The following ADAMTS3 variants were observed in gnomAD, a reference collection of about 807,000 sequenced individuals.
The protein encoded by ADAMTS3 is ADAM metallopeptidase with thrombospondin type 1 motif 3, also known as A disintegrin and metalloproteinase with thrombospondin motifs 3.
A neutral mutation model predicts 129.0 loss-of-function variants in ADAMTS3; 73 were observed. That is an observed-to-expected ratio of 0.57 (90% CI 0.47 to 0.69). The LOEUF is 0.69. Among genes scored for constraint, ADAMTS3 ranks in the 30% least tolerant of loss-of-function variants. ADAMTS3 has a pLI of 0.00. For synonymous variants in ADAMTS3, 477 were observed against 510.8 expected (o/e 0.93, Z 0.89); for missense variants, 1,457 against 1,514.5 (o/e 0.96, Z 0.63).
At chr4:72,528,443 T>C (rs77846110) in intron 3 of ADAMTS3, among the ~76,000 whole-genome samples, 4,906 of 151,434 alleles carry the variant, frequency 0.032, 108 homozygotes, top group Non-Finnish European at 0.048. Flanking sequence ...TATCATTCTA[T>C]GGTGTATACA....
chr4:72,519,427 G>C (rs1242028607), intron 3 of ADAMTS3, among the ~76,000 whole-genome samples: 1 of 152,226 alleles, frequency 6.6e-6, no homozygotes, highest in East Asian at 1.9e-4. Context: ...ATATCCTGCA[G>C]AGTGTTTTCC....
At chr4:72,526,570 ATGTGTGTGTGTGTGTGTG>A (rs56774889) in intron 3 of ADAMTS3, among the ~76,000 whole-genome samples, 2 of 132,086 alleles carry the variant, frequency 1.5e-5, no homozygotes, top group Non-Finnish European at 3.2e-5. Context: ...AATGAAATTT[ATGTGTGTGTGTGTGTGTG>A]TGTGTGTGTG....
At chr4:72,521,582 T>A (rs987318023) in intron 3 of ADAMTS3, among the ~76,000 whole-genome samples, 38 of 152,286 alleles carry the variant, frequency 2.5e-4, no homozygotes, top group African/African-American at 8.9e-4. Flanking sequence ...ATTTTCATTG[T>A]GAAAGCTAGA....
At chr4:72,552,009 G>T (rs567345587) in intron 2 of ADAMTS3, among the ~76,000 whole-genome samples, 26 of 152,276 alleles carry the variant, frequency 1.7e-4, no homozygotes, top group African/African-American at 5.8e-4. Flanking sequence ...TTTGGAGGAA[G>T]AAACTGGAAG....
chr4:72,539,922 C>A (rs971439000), intron 3 of ADAMTS3, among the ~76,000 whole-genome samples: 3 of 152,142 alleles, frequency 2.0e-5, no homozygotes, highest in African/African-American at 7.2e-5. Context: ...ATTACCCAGT[C>A]TCAGATACAT....
At chr4:72,471,499 T>C (rs1719071209) in intron 3 of ADAMTS3, among the ~76,000 whole-genome samples, 1 of 152,100 alleles carries the variant, frequency 6.6e-6, no homozygotes. Context: ...TCAAAGAATG[T>C]TCTCATTATA....
At chr4:72,350,347 A>G (rs778776561) in intron 4 of ADAMTS3, among the ~76,000 whole-genome samples, 2 of 152,076 alleles carry the variant, frequency 1.3e-5, no homozygotes, top group Non-Finnish European at 2.9e-5. Context: ...TGTATAAACT[A>G]TAGATTTAAT....
At chr4:72,336,649 A>G (rs1719996865) in intron 5 of ADAMTS3, among the ~76,000 whole-genome samples, 1 of 152,156 alleles carries the variant, frequency 6.6e-6, no homozygotes, top group Non-Finnish European at 1.5e-5. Flanking sequence ...TCCAGGGGGA[A>G]AACCTGAAAT....
chr4:72,521,094 T>C (rs1193678499), intron 3 of ADAMTS3, among the ~76,000 whole-genome samples: 1 of 151,624 alleles, frequency 6.6e-6, no homozygotes, highest in Non-Finnish European at 1.5e-5. Context: ...ACCTCCCCGG[T>C]TCAAGTGATT....
Position 72,320,878 on chromosome 4 carries a change from A to C in ADAMTS3, c.946-8T>G. ...TTCTATGAGGCTGATGGACTAAGTG[A>C]AAACAATATGTTAAAGACACACCTG... On this transcript the variant is annotated splice_region_variant and splice_polypyrimidine_tract_variant and intron_variant, in intron 6 of 21. Transcript: ENST00000286657. The C allele has an allele frequency of 6.2e-7, 1 of 1,612,584 alleles. No homozygotes were observed. Among genetic ancestry groups the C allele is most frequent in the African/African-American group, 1.3e-5 (1 of 74,932 alleles).
intron 3 of ADAMTS3, among the ~76,000 whole-genome samples, chr4:72,422,680 G>A (rs1429926501): frequency 6.6e-6 from 1 of 152,054 alleles, no homozygotes; most frequent in Non-Finnish European, 1.5e-5. Flanking sequence ...GATGAAAACA[G>A]CGATCACAAA....
In ADAMTS3 at chr4:72,318,724, G is replaced by A. The variant is rs777991746; in HGVS notation, c.1353-20C>T. 2.5e-6 allele frequency: 4 copies of A among 1,606,016 alleles called. No homozygotes were observed. The highest frequency in any genetic ancestry group is 1.3e-5 in the African/African-American group (1 of 74,552). The stretch of plus-strand genomic sequence containing the variant: ...TAGGAACTGTAGGAAGAAAAATATT[G>A]CATGTAGTTAAATGTTCACTTAAAA... On this transcript the variant is annotated intron_variant, in intron 9 of 21. Transcript: ENST00000286657.
intron 3 of ADAMTS3, among the ~76,000 whole-genome samples, chr4:72,518,297 A>G (rs1157835477): frequency 6.6e-6 from 1 of 152,146 alleles, no homozygotes; most frequent in Non-Finnish European, 1.5e-5. Context: ...ATGGTGCTGA[A>G]AAAAATGTAT....
intron 3 of ADAMTS3, among the ~76,000 whole-genome samples, chr4:72,480,096 G>A (rs553266600): frequency 1.9e-3 from 296 of 152,258 alleles, no homozygotes; most frequent in African/African-American, 6.7e-3. Context: ...CACTGTTGGT[G>A]GGACTGTAAA....
chr4:72,503,012 G>GT (rs144205022), intron 3 of ADAMTS3, among the ~76,000 whole-genome samples: 7 of 151,646 alleles, frequency 4.6e-5, no homozygotes, highest in East Asian at 3.9e-4. Flanking sequence ...TATTTGAAAG[G>GT]TTTTTTTTGT....
Position 72,458,203 on chromosome 4 carries a change from C to T in ADAMTS3, c.505-43232G>A, listed in dbSNP as rs193156925. ...TCTAGGACCATATTTTAGATTATTA[C>T]AGTATAGTACATGCATCACTGAACT... On this transcript the variant is annotated intron_variant, in intron 3 of 21. Transcript: ENST00000286657. Among the ~76,000 whole-genome samples, 181 of 151,668 alleles carry T rather than the reference C, an allele frequency of 1.2e-3. 1 individual carries two copies. Among genetic ancestry groups the T allele is most frequent in the African/African-American group, 4.0e-3 (165 of 41,454 alleles).
chr4:72,477,868 C>T (rs1719287306), intron 3 of ADAMTS3, among the ~76,000 whole-genome samples: 3 of 151,934 alleles, frequency 2.0e-5, no homozygotes, highest in East Asian at 3.9e-4. Flanking sequence ...ATATCACCAC[C>T]GATCCCACCG....
intron 3 of ADAMTS3, among the ~76,000 whole-genome samples, chr4:72,529,927 T>G (rs1430984754): frequency 3.3e-5 from 2 of 60,838 alleles, no homozygotes; most frequent in Non-Finnish European, 5.5e-5. Context: ...ATAAATATTA[T>G]ATAATATATT....
intron 18 of ADAMTS3, 90 bp from the exon 19 acceptor site, chr4:72,295,876 CATCCATTCAATAAAT>C: frequency 2.0e-6 from 3 of 1,464,350 alleles, no homozygotes; most frequent in Non-Finnish European, 2.8e-6. Flanking sequence ...TACATTTATT[CATCCATTCAATAAAT>C]ATGTATTGAG....
Sources: allele counts gnomAD v4.1 joint callset (sites outside exome capture counted in the v4.1 genomes callset), GRCh38; gene constraint gnomAD v4.1.1; transcripts MANE v1.5; gene names NCBI Gene and HGNC (gene_info 2026-07-23, HGNC 2026-07-21).